CHCHD3: variants seen among roughly 807,000 people sequenced by gnomAD.
The protein encoded by CHCHD3 is coiled-coil-helix-coiled-coil-helix domain containing 3.
A neutral mutation model predicts 38.2 loss-of-function variants in CHCHD3; 20 were observed. The observed-to-expected ratio is 0.52, with a 90% CI of 0.37 to 0.76. The LOEUF (loss-of-function observed/expected upper bound fraction) is 0.76, where lower values mean the gene tolerates loss of function less well. Ranked by LOEUF, CHCHD3 falls within the 30% of genes least tolerant of loss-of-function variation. The pLI, the probability that CHCHD3 is intolerant of heterozygous loss-of-function variation, is 0.00. For missense variants in CHCHD3, 245 were observed against 279.2 expected, an observed-to-expected ratio of 0.88 and a Z score of 0.87; for synonymous variants, 82 against 100.0, an observed-to-expected ratio of 0.82 and a Z score of 1.07.
At chr7:132,904,102 TA>T (rs765892174) in intron 4 of CHCHD3, among the ~76,000 whole-genome samples, 2 of 150,912 alleles carry the variant, frequency 1.3e-5, no homozygotes, top group Non-Finnish European at 1.5e-5. Context: ...ACAAAAGATT[TA>T]AAAAAAAATC....
chr7:133,040,320 T>G (rs1311384471), intron 2 of CHCHD3, among the ~76,000 whole-genome samples: 1 of 152,128 alleles, frequency 6.6e-6, no homozygotes, highest in Non-Finnish European at 1.5e-5. Context: ...TATTGACTAT[T>G]TCAAGTTGAA....
At chr7:132,860,530 C>G (rs1585580364) in intron 5 of CHCHD3, among the ~76,000 whole-genome samples, 1 of 152,166 alleles carries the variant, frequency 6.6e-6, no homozygotes, top group African/African-American at 2.4e-5. Context: ...TTATTGGCTT[C>G]CTTTCTTCTT....
chr7:132,983,051 G>T (rs1479588499), intron 3 of CHCHD3, among the ~76,000 whole-genome samples: 1 of 152,074 alleles, frequency 6.6e-6, no homozygotes, highest in South Asian at 2.1e-4. Context: ...GGCCAGGCGC[G>T]GCAGCTCATG....
intron 6 of CHCHD3, among the ~76,000 whole-genome samples, chr7:132,800,763 T>G (rs762864901): frequency 6.6e-6 from 1 of 151,018 alleles, no homozygotes; most frequent in Non-Finnish European, 1.5e-5. Flanking sequence ...GATACTATGA[T>G]GAAATACCAG....
chr7:132,827,934 T>C (rs1807548443), intron 6 of CHCHD3, among the ~76,000 whole-genome samples: 1 of 152,200 alleles, frequency 6.6e-6, no homozygotes, highest in Non-Finnish European at 1.5e-5. Flanking sequence ...TATATTCCAA[T>C]CAGCTTTGCC....
chr7:133,048,350 A>C (rs1486279257), intron 2 of CHCHD3, among the ~76,000 whole-genome samples: 1 of 152,228 alleles, frequency 6.6e-6, no homozygotes, highest in Middle Eastern at 3.2e-3. Context: ...CATTGAGAAC[A>C]ATATAAAACA....
chr7:132,861,297 G>A (rs923093551), intron 5 of CHCHD3, among the ~76,000 whole-genome samples: 3 of 152,188 alleles, frequency 2.0e-5, no homozygotes, highest in African/African-American at 7.2e-5. Context: ...TTTGGAGTGT[G>A]AGTGTGTGCT....
intron 6 of CHCHD3, among the ~76,000 whole-genome samples, chr7:132,808,871 G>T (rs1319529129): frequency 1.3e-5 from 2 of 149,950 alleles, no homozygotes. Context: ...ATCTCCCAAT[G>T]CTATCCCTCC....
chr7:132,986,210 CT>C (rs1812114962), intron 3 of CHCHD3, among the ~76,000 whole-genome samples: 2 of 148,874 alleles, frequency 1.3e-5, no homozygotes, highest in Non-Finnish European at 3.0e-5. Flanking sequence ...AGGCAGCATG[CT>C]CGTTAAGAGT....
chr7:133,010,716 C>A (rs547399948), intron 3 of CHCHD3, among the ~76,000 whole-genome samples: 2 of 152,112 alleles, frequency 1.3e-5, no homozygotes, highest in Non-Finnish European at 2.9e-5. Context: ...GTAGCTGGGA[C>A]TACGGATGCC....
chr7:133,020,244 T>C (rs188749980), intron 3 of CHCHD3, among the ~76,000 whole-genome samples: 2 of 152,182 alleles, frequency 1.3e-5, no homozygotes, highest in East Asian at 3.9e-4. Context: ...AAAATGAAAA[T>C]ATATATAGTC....
chr7:132,807,981 T>G (rs1806976753), intron 6 of CHCHD3, among the ~76,000 whole-genome samples: 1 of 152,100 alleles, frequency 6.6e-6, no homozygotes, highest in Non-Finnish European at 1.5e-5. Flanking sequence ...CCACACGTTT[T>G]GTGGCACTAA....
At chr7:133,056,937 G>A (rs1175269071) in intron 2 of CHCHD3, among the ~76,000 whole-genome samples, 1 of 151,818 alleles carries the variant, frequency 6.6e-6, no homozygotes, top group African/African-American at 2.4e-5. Context: ...TACACCACAT[G>A]AGCTCACTCT....
chr7:132,951,137 CATG>C (rs1350431706), intron 4 of CHCHD3, among the ~76,000 whole-genome samples: 4 of 152,100 alleles, frequency 2.6e-5, no homozygotes, highest in Non-Finnish European at 5.9e-5. Context: ...TGTTTGTCTG[CATG>C]ATAATTAGGA....
chr7:132,876,479 C>T (rs1293623098), intron 5 of CHCHD3, among the ~76,000 whole-genome samples: 1 of 152,280 alleles, frequency 6.6e-6, no homozygotes, highest in East Asian at 1.9e-4. Context: ...ATTCAAGTGG[C>T]ATATCATTTT....
At chr7:132,883,850 A>C (rs1809138031) in intron 5 of CHCHD3, among the ~76,000 whole-genome samples, 1 of 152,176 alleles carries the variant, frequency 6.6e-6, no homozygotes, top group Admixed American at 6.6e-5. Context: ...ACATATCCAC[A>C]ATCAAACTCC....
intron 2 of CHCHD3, among the ~76,000 whole-genome samples, chr7:133,059,337 C>A (rs1045337707): frequency 6.6e-6 from 1 of 152,104 alleles, no homozygotes; most frequent in Admixed American, 6.5e-5. Context: ...GACACCCTAA[C>A]CAAACCTCAC....
intron 3 of CHCHD3, among the ~76,000 whole-genome samples, chr7:132,991,271 T>C (rs1436615460): frequency 2.0e-5 from 3 of 152,150 alleles, no homozygotes; most frequent in Non-Finnish European, 4.4e-5. Context: ...AAGCTTTGAT[T>C]GTACATTTTT....
At chr7:132,953,842 GAGCATCCCA>G (rs1188967643) in intron 4 of CHCHD3, among the ~76,000 whole-genome samples, 1 of 152,110 alleles carries the variant, frequency 6.6e-6, no homozygotes, top group Non-Finnish European at 1.5e-5. Flanking sequence ...GGTTTGCCTG[GAGCATCCCA>G]GTTTATGTGT....
Sources: gnomAD v4.1 joint callset for allele counts (sites outside exome capture counted in the v4.1 genomes callset) on GRCh38, gnomAD v4.1.1 for gene constraint, MANE v1.5 for transcripts, NCBI Gene and HGNC (gene_info 2026-07-23, HGNC 2026-07-21) for gene names.